FBXO6: variants seen among roughly 807,000 people sequenced by gnomAD.
FBXO6 encodes F-box only protein 6.
Under a neutral mutation model 25.0 loss-of-function variants are expected in FBXO6, and 13 were observed. That is an observed-to-expected ratio of 0.52 (90% CI 0.34 to 0.83). The LOEUF (loss-of-function observed/expected upper bound fraction) is 0.83, where lower values mean the gene tolerates loss of function less well. FBXO6 is among the 40% of genes least tolerant of loss of function. The probability of loss-of-function intolerance (pLI) is 0.02; values close to 1 mark genes in which losing one functional copy is unlikely to be tolerated. For synonymous variants in FBXO6, 138 were observed against 155.3 expected, an observed-to-expected ratio of 0.89 and a Z score of 0.83; for missense variants, 370 against 380.2, an observed-to-expected ratio of 0.97 and a Z score of 0.22.
Position 11,668,909 on chromosome 1 carries a change from T to A in FBXO6, c.251T>A (p.Leu84Gln). The A allele has an allele frequency of 6.2e-7, 1 of 1,614,118 alleles. No homozygotes were observed. Among genetic ancestry groups the A allele is most frequent in the Non-Finnish European group, 8.5e-7 (1 of 1,180,004 alleles). Residue 84 changes from leucine to glutamine, a missense_variant, in exon 2 of 6, where the codon CTG (leucine) becomes CAG (glutamine). Coordinates refer to ENST00000376753, the MANE Select transcript of FBXO6 (RefSeq NM_018438.6). ...AAAATCTTCTACTTCCTACGGAGCC[T>A]GCATAGGAACCTCCTGCGCAACCCG... is the stretch of plus-strand genomic sequence containing the variant. ...DWKIFYFLRSLHRNLLRNPCA... is the reference protein window; with the variant it reads ...DWKIFYFLRSQHRNLLRNPCA...
At chr1:11,667,858 C>T (rs1261001970) in intron 1 of FBXO6, among the ~76,000 whole-genome samples, 1 of 152,060 alleles carries the variant, frequency 6.6e-6, no homozygotes, top group Non-Finnish European at 1.5e-5. Context: ...TTTGGGAGGC[C>T]GAGGTGGGCG....
intron 1 of FBXO6, among the ~76,000 whole-genome samples, chr1:11,668,401 G>GTT (rs58492433): frequency 0.046 from 6,552 of 142,574 alleles, 426 homozygotes; most frequent in African/African-American, 0.15. Flanking sequence ...TCTTTTGTGG[G>GTT]TTTTTTTTTT....
At position 11,671,120 on chromosome 1, in the gene FBXO6, G is replaced by A. The variant is rs744115; in HGVS notation, c.287-146G>A. 3.2e-4 allele frequency: 320 copies of A among 995,200 alleles called. 5 individuals carry two copies. The South Asian group carries it at 4.1e-3, about 13-fold the overall frequency. 61.6% of individuals were successfully genotyped at this position (995,200 alleles called of 1,614,324 possible). A position where few individuals can be genotyped will look rare whatever the true frequency, so the allele number is the denominator to read the frequency against. ...GGTTAACCCTTTGGTGTCCACAGCCGCAGAGACCTGAGCATGAGCAAGTCC... is the reference window on the plus strand; with the variant it reads ...GGTTAACCCTTTGGTGTCCACAGCCACAGAGACCTGAGCATGAGCAAGTCC... On this transcript the variant is annotated intron_variant, in intron 2 of 5. Transcript: ENST00000376753.
chr1:11,668,133 C>T (rs942950239), intron 1 of FBXO6, among the ~76,000 whole-genome samples: 1 of 151,622 alleles, frequency 6.6e-6, no homozygotes, highest in Admixed American at 6.6e-5. Context: ...ACAGTGAATC[C>T]AGAGCATTAA....
At chr1:11,668,403 T>G (rs1640505694) in intron 1 of FBXO6, among the ~76,000 whole-genome samples, 1 of 130,614 alleles carries the variant, frequency 7.7e-6, no homozygotes, top group Non-Finnish European at 1.5e-5. Flanking sequence ...TTTTGTGGGT[T>G]TTTTTTTTTT....
chr1:11,671,794 T>G, intron 3 of FBXO6, 134 bp from the exon 4 acceptor site: 5 of 761,576 alleles, frequency 6.6e-6, no homozygotes, highest in Non-Finnish European at 1.1e-5. Flanking sequence ...CCAGTGCCTG[T>G]CCCGCAGCGG....
Position 11,673,651 on chromosome 1 carries a change from C to T in FBXO6, c.682C>T (p.Arg228Cys), listed in dbSNP as rs200760899. 51 of 1,614,070 alleles carry T rather than the reference C, an allele frequency of 3.2e-5. No individual in the cohort carries two copies. The highest frequency in any genetic ancestry group is 4.0e-5 in the African/African-American group (3 of 75,024). ...YTFSDYPRGV[R>C]YILFQHGGRD... ...CTTCTCAGACTACCCCCGGGGTGTC[C>T]GCTACATCCTCTTCCAGCATGGGGG... is the stretch of plus-strand genomic sequence containing the variant. Residue 228 changes from arginine to cysteine, a missense_variant, in exon 6 of 6, where the codon CGC becomes TGC. Transcript: ENST00000376753. The surrounding 1 kb of genome is among the most constrained non-coding windows in gnomAD (Gnocchi z 4.3).
intron 2 of FBXO6, 102 bp downstream of exon 2, chr1:11,669,046 C>G (rs1244107080): frequency 7.1e-7 from 1 of 1,413,628 alleles, no homozygotes; most frequent in African/African-American, 1.4e-5. Context: ...TTCTCTAACC[C>G]TAAACACCCA....
rs1640633098 is a variant in FBXO6, at chr1:11,672,031, G to C, written c.509+8G>C. 9 of 1,611,104 alleles carry C rather than the reference G, an allele frequency of 5.6e-6. No homozygotes were observed. In the Middle Eastern group the frequency reaches 1.2e-3, roughly 207 times the overall value. ...CATCGTGGTTAAGGACTGGTGAGTA[G>C]GGTCCATGGCCTGTGTCCCCACACT... On this transcript the variant is annotated splice_region_variant and intron_variant, in intron 4 of 5. Transcript: ENST00000376753.
At position 11,673,642 on chromosome 1, in the gene FBXO6, C is replaced by T. The variant is rs138789461; in HGVS notation, c.673C>T (p.Arg225Trp). 11 of 1,613,982 alleles carry T rather than the reference C, an allele frequency of 6.8e-6. No individual in the cohort carries two copies. The highest frequency in any genetic ancestry group is 5.9e-6 in the Non-Finnish European group (7 of 1,180,022). Residue 225 changes from arginine (R) to tryptophan (W), a missense_variant, in exon 6 of 6, where the codon CGG becomes TGG. Physicochemically the swap from Arg to Trp is moderately radical, Grantham distance 101. Transcript: ENST00000376753. The surrounding 1 kb of genome is among the most constrained non-coding windows in gnomAD (Gnocchi z 4.3). Reference protein sequence around the residue: ...EVSYTFSDYPRGVRYILFQHG... With the variant: ...EVSYTFSDYPWGVRYILFQHG... ...CTCCTACACCTTCTCAGACTACCCC[C>T]GGGGTGTCCGCTACATCCTCTTCCA...
chr1:11,667,916 C>A (rs1316615144), intron 1 of FBXO6, among the ~76,000 whole-genome samples: 4 of 152,060 alleles, frequency 2.6e-5, no homozygotes, highest in Non-Finnish European at 5.9e-5. Flanking sequence ...CACGATGAAA[C>A]CCCGTCTCTA....
At chr1:11,667,471 G>T (rs1191640095) in intron 1 of FBXO6, among the ~76,000 whole-genome samples, 2 of 152,210 alleles carry the variant, frequency 1.3e-5, no homozygotes, top group South Asian at 4.1e-4. Context: ...CTGAAGCTCT[G>T]TGCTTCACTT....
chr1:11,674,024 G>T lies in FBXO6; in HGVS notation c.*173G>T. On this transcript the variant is annotated 3_prime_UTR_variant, in exon 6 of 6. Transcript: ENST00000376753. The surrounding 1 kb of genome is among the most constrained non-coding windows in gnomAD (Gnocchi z 6.1). ...GTTTTGTTGTAATAAATGTTTTCAG[G>T]CCGGGCACTGTGGCTCACGCCTGTA... is the stretch of plus-strand genomic sequence containing the variant. 2 of 626,240 alleles carry T rather than the reference G, an allele frequency of 3.2e-6. No homozygotes were observed. The highest frequency in any genetic ancestry group is 2.8e-5 in the East Asian group (1 of 35,588). The allele number at this position is 626,240 out of a possible 1,614,324, so 38.8% of individuals were successfully genotyped here. A position where few individuals can be genotyped will look rare whatever the true frequency, so the allele number is the denominator to read the frequency against.
intron 4 of FBXO6, 183 bp downstream of exon 4, chr1:11,672,206 CCT>C: frequency 1.7e-6 from 1 of 602,148 alleles, no homozygotes; most frequent in Non-Finnish European, 3.0e-6. Context: ...TCCCCACCAC[CCT>C]GTGACGTAGT....
At chr1:11,667,453 A>G (rs1367033896) in intron 1 of FBXO6, among the ~76,000 whole-genome samples, 4 of 152,196 alleles carry the variant, frequency 2.6e-5, no homozygotes, top group African/African-American at 9.7e-5. Flanking sequence ...TGCTGACAGC[A>G]ATGCTGACTG....
chr1:11,669,674 G>GTATA (rs1479931589), intron 2 of FBXO6, among the ~76,000 whole-genome samples: 1 of 94,362 alleles, frequency 1.1e-5, no homozygotes, highest in Non-Finnish European at 1.9e-5. Context: ...ATGTATATAT[G>GTATA]TACACATATA....
Position 11,671,357 on chromosome 1 carries a change from C to G in FBXO6, c.378C>G (p.Asp126Glu). The G allele has an allele frequency of 1.9e-6, 3 of 1,614,134 alleles. No individual in the cohort carries two copies. The highest frequency in any genetic ancestry group is 1.7e-6 in the Non-Finnish European group (2 of 1,180,006). ...LPGAHGTDFP[D>E]PKVKKYFVTS... ...GAGCCCACGGGACAGATTTTCCTGA[C>G]CCCAAAGTCAAGAAGTATTTTGTCA... is the stretch of plus-strand genomic sequence containing the variant. Residue 126 changes from aspartate (D) to glutamate (E), a missense_variant, in exon 3 of 6, where the codon GAC becomes GAG. By Grantham distance (45) the Asp-to-Glu change is conservative (BLOSUM62 2). Coordinates refer to ENST00000376753, the MANE Select transcript of FBXO6 (RefSeq NM_018438.6).
Position 11,668,900 on chromosome 1 carries a change from T to C in FBXO6, c.242T>C (p.Leu81Pro), listed in dbSNP as rs1435900905. The C allele has an allele frequency of 1.2e-6, 2 of 1,614,116 alleles. No individual in the cohort carries two copies. Among genetic ancestry groups the C allele is most frequent in the East Asian group, 2.2e-5 (1 of 44,870 alleles). ...PVADWKIFYF[L>P]RSLHRNLLRN... ...GCCGACTGGAAAATCTTCTACTTCC[T>C]ACGGAGCCTGCATAGGAACCTCCTG... Residue 81 changes from leucine to proline, a missense_variant, in exon 2 of 6, where the codon CTA (leucine) becomes CCA (proline). By Grantham distance (98) the Leu-to-Pro change is moderately conservative (BLOSUM62 -3). Transcript: ENST00000376753.
intron 1 of FBXO6, among the ~76,000 whole-genome samples, chr1:11,666,035 C>CTTT (rs1557670275): frequency 2.8e-5 from 3 of 106,764 alleles, no homozygotes; most frequent in African/African-American, 1.2e-4. Context: ...TTTTTCTTTT[C>CTTT]TCTTTTTTTT....
Sources: gnomAD v4.1 joint callset for allele counts (sites outside exome capture counted in the v4.1 genomes callset) on GRCh38, gnomAD v4.1.1 for gene constraint, Gnocchi (gnomAD v3.1) non-coding constraint, MANE v1.5 for transcripts, NCBI Gene and HGNC (gene_info 2026-07-23, HGNC 2026-07-21) for gene names.